Variants in GRIN2B observed in about 807,000 individuals in gnomAD.
GRIN2B encodes the protein glutamate ionotropic receptor NMDA type subunit 2B, also known as glutamate receptor ionotropic, NMDA 2B.
A neutral mutation model predicts 114.5 loss-of-function variants in GRIN2B; 5 were observed. That is an observed-to-expected ratio of 0.04 (90% CI 0.02 to 0.09). GRIN2B has a LOEUF of 0.09. Ranked by LOEUF, GRIN2B falls within the 10% of genes least tolerant of loss-of-function variation. GRIN2B has a pLI of 1.00. For synonymous variants in GRIN2B, 787 were observed against 745.1 expected, an observed-to-expected ratio of 1.06 and a Z score of -0.92; for missense variants, 1,108 against 1,943.5, an observed-to-expected ratio of 0.57 and a Z score of 8.08.
chr12:13,952,380 T>C (rs1330448973), intron 2 of GRIN2B, among the ~76,000 whole-genome samples: 1 of 152,166 alleles, frequency 6.6e-6, no homozygotes, highest in African/African-American at 2.4e-5. Flanking sequence ...ATCCACAAAT[T>C]AGGATATAGT....
At chr12:13,683,062 C>A (rs1262321344) in intron 4 of GRIN2B, among the ~76,000 whole-genome samples, 1 of 152,108 alleles carries the variant, frequency 6.6e-6, no homozygotes, top group African/African-American at 2.4e-5. Context: ...CCTATCTATG[C>A]CACCTTTCAC....
At chr12:13,831,658 C>A (rs530519139) in intron 3 of GRIN2B, among the ~76,000 whole-genome samples, 4 of 152,298 alleles carry the variant, frequency 2.6e-5, no homozygotes, top group African/African-American at 7.2e-5. Context: ...TGTGGGGGAG[C>A]CCGGTAACTG....
At chr12:13,607,381 TATAA>T (rs1949288324) in intron 10 of GRIN2B, among the ~76,000 whole-genome samples, 3 of 71,158 alleles carry the variant, frequency 4.2e-5, no homozygotes, top group Non-Finnish European at 7.5e-5. Context: ...ATATTATATA[TATAA>T]TATATATTAT....
intron 4 of GRIN2B, among the ~76,000 whole-genome samples, chr12:13,686,628 C>T (rs1950175882): frequency 6.6e-6 from 1 of 152,086 alleles, no homozygotes; most frequent in Admixed American, 6.6e-5. Context: ...TATTTTCTAT[C>T]TCTTCTTACT....
At chr12:13,606,083 A>G (rs963229922) in intron 10 of GRIN2B, among the ~76,000 whole-genome samples, 3 of 152,086 alleles carry the variant, frequency 2.0e-5, no homozygotes, top group African/African-American at 7.2e-5. Flanking sequence ...ATGTGAAGAC[A>G]TGGTCTGCCA....
intron 4 of GRIN2B, among the ~76,000 whole-genome samples, chr12:13,718,270 A>G (rs1327936024): frequency 4.6e-5 from 7 of 152,082 alleles, no homozygotes; most frequent in Non-Finnish European, 1.0e-4. Flanking sequence ...CATGCCACAT[A>G]CATGCTGCTC....
chr12:13,740,161 G>A (rs1295485480), intron 4 of GRIN2B, among the ~76,000 whole-genome samples: 3 of 152,156 alleles, frequency 2.0e-5, no homozygotes, highest in Non-Finnish European at 4.4e-5. Context: ...CAGGAAATTC[G>A]TGATGGTTTT....
chr12:13,696,690 A>G (rs1950262524), intron 4 of GRIN2B, among the ~76,000 whole-genome samples: 1 of 152,200 alleles, frequency 6.6e-6, no homozygotes, highest in African/African-American at 2.4e-5. Context: ...GCATCATATT[A>G]CAGGAACATG....
At chr12:13,665,224 G>A (rs1949963218) in intron 5 of GRIN2B, among the ~76,000 whole-genome samples, 1 of 151,640 alleles carries the variant, frequency 6.6e-6, no homozygotes, top group Non-Finnish European at 1.5e-5. Flanking sequence ...AAAGATACAA[G>A]AAAGCTTTCT....
At chr12:13,754,684 C>A (rs1863547351) in intron 3 of GRIN2B, among the ~76,000 whole-genome samples, 1 of 152,188 alleles carries the variant, frequency 6.6e-6, no homozygotes, top group Non-Finnish European at 1.5e-5. Context: ...TATGTCTAAG[C>A]TGCAAGTTAA....
intron 3 of GRIN2B, among the ~76,000 whole-genome samples, chr12:13,786,948 C>T (rs1298125213): frequency 6.6e-6 from 1 of 151,582 alleles, no homozygotes; most frequent in Non-Finnish European, 1.5e-5. Flanking sequence ...TAAATACAGG[C>T]TTCAAAGGAG....
chr12:13,577,719 T>C (rs1948795554), intron 10 of GRIN2B, among the ~76,000 whole-genome samples: 1 of 152,264 alleles, frequency 6.6e-6, no homozygotes, highest in Admixed American at 6.5e-5. Context: ...TTAACTATGA[T>C]AATTAAAATA....
chr12:13,709,890 A>G (rs2136579000), intron 4 of GRIN2B, among the ~76,000 whole-genome samples: 1 of 152,126 alleles, frequency 6.6e-6, no homozygotes, highest in Non-Finnish European at 1.5e-5. Flanking sequence ...TTAAACATGT[A>G]CCTATCCTAT....
rs1225743200 is a variant in GRIN2B at position 13,539,386 on chromosome 12, G to A, written c.*23397C>T. 3.9e-5 allele frequency: 6 copies of A among 152,214 alleles called. No individual in the cohort carries two copies. The South Asian group carries it at 1.2e-3, about 31-fold the overall frequency. 9.4% of individuals were successfully genotyped at this position (152,214 alleles called of 1,614,324 possible). A position where few individuals can be genotyped will look rare whatever the true frequency, so the allele number is the denominator to read the frequency against. The stretch of plus-strand genomic sequence containing the variant: ...TGATGTTGAAATGTGCCTCATGATT[G>A]GCATGTGAAAAGCTAAATATGTCTA... On this transcript the variant is annotated 3_prime_UTR_variant, in exon 14 of 14. Coordinates refer to ENST00000609686, the MANE Select transcript of GRIN2B (RefSeq NM_000834.5).
At chr12:13,920,948 T>C (rs1185708736) in intron 2 of GRIN2B, among the ~76,000 whole-genome samples, 1 of 152,170 alleles carries the variant, frequency 6.6e-6, no homozygotes, top group Non-Finnish European at 1.5e-5. Context: ...AGTTGCAGGA[T>C]TTGTACCAAT....
intron 3 of GRIN2B, among the ~76,000 whole-genome samples, chr12:13,806,635 T>A (rs1864605189): frequency 6.6e-6 from 1 of 152,174 alleles, no homozygotes; most frequent in Admixed American, 6.5e-5. Context: ...ATTAGATGTA[T>A]GATTTGCAAA....
rs774971411 is a variant in GRIN2B, at chr12:13,571,972, G to A, written c.2011-8C>T. On this transcript the variant is annotated splice_region_variant and splice_polypyrimidine_tract_variant and intron_variant, in intron 10 of 13. Coordinates refer to ENST00000609686, the MANE Select transcript of GRIN2B (RefSeq NM_000834.5). ...GTCATTAGGTCTCTGGAACTGGAGA[G>A]AGAAAGACAGATAGAGACAGAGCGG... 3 of 1,610,408 alleles carry A rather than the reference G, an allele frequency of 1.9e-6. No homozygotes were observed. The highest frequency in any genetic ancestry group is 1.3e-5 in the African/African-American group (1 of 74,894).
chr12:13,892,634 G>A (rs1191787092), intron 2 of GRIN2B, among the ~76,000 whole-genome samples: 1 of 152,154 alleles, frequency 6.6e-6, no homozygotes, highest in East Asian at 1.9e-4. Flanking sequence ...AGTGGTGGAG[G>A]TGAGGCAGAG....
chr12:13,705,492 A>G (rs1241680878), intron 4 of GRIN2B, among the ~76,000 whole-genome samples: 1 of 152,174 alleles, frequency 6.6e-6, no homozygotes, highest in Non-Finnish European at 1.5e-5. Flanking sequence ...ATATACGTTC[A>G]TAAGGATTCC....
Sources: allele counts gnomAD v4.1 joint callset (sites outside exome capture counted in the v4.1 genomes callset), GRCh38; gene constraint gnomAD v4.1.1; transcripts MANE v1.5; gene names NCBI Gene and HGNC (gene_info 2026-07-23, HGNC 2026-07-21).